CDYL2: variants seen among roughly 807,000 people sequenced by gnomAD.
The protein encoded by CDYL2 is chromodomain Y-like protein 2.
Under a neutral mutation model 49.4 loss-of-function variants are expected in CDYL2, and 23 were observed. That is an observed-to-expected ratio of 0.47 (90% CI 0.34 to 0.66). The LOEUF (loss-of-function observed/expected upper bound fraction) is 0.66, where lower values mean the gene tolerates loss of function less well. Ranked by LOEUF, CDYL2 falls within the 30% of genes least tolerant of loss-of-function variation. The probability of loss-of-function intolerance (pLI) is 0.01; values close to 1 mark genes in which losing one functional copy is unlikely to be tolerated. For synonymous variants in CDYL2, 360 were observed against 268.8 expected, an observed-to-expected ratio of 1.34 and a Z score of -3.32; for missense variants, 678 against 656.4, an observed-to-expected ratio of 1.03 and a Z score of -0.36.
At chr16:80,641,158 T>A (rs1333693266) in intron 2 of CDYL2, among the ~76,000 whole-genome samples, 1 of 152,084 alleles carries the variant, frequency 6.6e-6, no homozygotes, top group African/African-American at 2.4e-5. Context: ...AGGCATTCAA[T>A]AGTCAAACTC....
chr16:80,696,001 C>T (rs1910601161), intron 1 of CDYL2, among the ~76,000 whole-genome samples: 1 of 152,172 alleles, frequency 6.6e-6, no homozygotes, highest in African/African-American at 2.4e-5. Flanking sequence ...TACATCATGC[C>T]ACAAAAGTCT....
intron 3 of CDYL2, among the ~76,000 whole-genome samples, chr16:80,630,804 T>C (rs190073245): frequency 6.6e-6 from 1 of 152,194 alleles, no homozygotes; most frequent in African/African-American, 2.4e-5. Flanking sequence ...CAGGGTCTAT[T>C]TCAACCATAA....
rs1387474947 is a variant in CDYL2, at chr16:80,599,770, TGATG to T, written c.*4614_*4617del. ...GGAAATGCCATTTGTTCAGAACAAA[TGATG>T]GACCAGCAGCCTTCCCTATGACCGT... On this transcript the variant is annotated 3_prime_UTR_variant, in exon 7 of 7. Transcript: ENST00000570137. 1 of 152,176 alleles carries T rather than the reference TGATG, an allele frequency of 6.6e-6. No individual in the cohort carries two copies. The highest frequency in any genetic ancestry group is 1.9e-4 in the East Asian group (1 of 5,194). The allele number at this position is 152,176 out of a possible 1,614,324, so 9.4% of individuals were successfully genotyped here.
intron 1 of CDYL2, among the ~76,000 whole-genome samples, chr16:80,793,010 G>A (rs2142417321): frequency 6.6e-6 from 1 of 152,306 alleles, no homozygotes; most frequent in Non-Finnish European, 1.5e-5. Flanking sequence ...TAACCTCAAT[G>A]CAGAGCAGCT....
intron 1 of CDYL2, among the ~76,000 whole-genome samples, chr16:80,713,762 A>G (rs1031239029): frequency 6.6e-6 from 1 of 152,100 alleles, no homozygotes; most frequent in Non-Finnish European, 1.5e-5. Context: ...TTCTATGGCT[A>G]TATCATAAAA....
chr16:80,630,894 A>G (rs1411878763), intron 3 of CDYL2, among the ~76,000 whole-genome samples: 1 of 152,158 alleles, frequency 6.6e-6, no homozygotes, highest in African/African-American at 2.4e-5. Context: ...GGTACGGGGT[A>G]CACTGGACAA....
At chr16:80,744,820 C>T (rs184574204) in intron 1 of CDYL2, among the ~76,000 whole-genome samples, 14 of 152,282 alleles carry the variant, frequency 9.2e-5, no homozygotes, top group African/African-American at 3.1e-4. Flanking sequence ...CAGCTGGCAG[C>T]ATGTCCCCCA....
chr16:80,622,798 A>C (rs1907139004), intron 3 of CDYL2, among the ~76,000 whole-genome samples: 1 of 152,142 alleles, frequency 6.6e-6, no homozygotes, highest in Admixed American at 6.5e-5. Flanking sequence ...ACCCCATGAA[A>C]GCTAACTGTG....
intron 1 of CDYL2, among the ~76,000 whole-genome samples, chr16:80,695,708 A>T (rs1440012781): frequency 6.6e-6 from 1 of 152,228 alleles, no homozygotes; most frequent in African/African-American, 2.4e-5. Context: ...GGAAATTACA[A>T]TTGTAAATAT....
At position 80,669,463 on chromosome 16, in the gene CDYL2, G is replaced by C. The variant is rs556566540; in HGVS notation, c.616+15075C>G. Among the ~76,000 whole-genome samples, 4 of 152,198 alleles carry C rather than the reference G, an allele frequency of 2.6e-5. No individual in the cohort carries two copies. The South Asian group carries it at 8.3e-4, about 32-fold the overall frequency. ...CTCCACCTCACTGCCGTCTTGTGGGGACAAGGAGCCGCGTCAAGCAGATGG... is the reference window on the plus strand; with the variant it reads ...CTCCACCTCACTGCCGTCTTGTGGGCACAAGGAGCCGCGTCAAGCAGATGG... On this transcript the variant is annotated intron_variant, in intron 2 of 6. Transcript: ENST00000570137.
At chr16:80,725,676 G>A (rs773624794) in intron 1 of CDYL2, among the ~76,000 whole-genome samples, 6 of 152,186 alleles carry the variant, frequency 3.9e-5, no homozygotes, top group Non-Finnish European at 7.4e-5. Context: ...CTGTACGACT[G>A]ACCTGAGAAA....
At chr16:80,802,633 T>A (rs1379628210) in intron 1 of CDYL2, among the ~76,000 whole-genome samples, 1 of 152,094 alleles carries the variant, frequency 6.6e-6, no homozygotes, top group Non-Finnish European at 1.5e-5. Context: ...CAAGGAGCTC[T>A]AAGGTCTCCC....
At chr16:80,656,971 C>T (rs1331030173) in intron 2 of CDYL2, among the ~76,000 whole-genome samples, 2 of 152,132 alleles carry the variant, frequency 1.3e-5, no homozygotes, top group Non-Finnish European at 2.9e-5. Context: ...GTGATATCCA[C>T]GGCTAAGGCT....
chr16:80,630,142 G>T (rs1301747041), intron 3 of CDYL2, among the ~76,000 whole-genome samples: 1 of 152,150 alleles, frequency 6.6e-6, no homozygotes, highest in Non-Finnish European at 1.5e-5. Context: ...CAGTCAGCTG[G>T]CTCACCCACA....
chr16:80,620,999 A>G (rs1397501704), intron 3 of CDYL2, 64 bp from the exon 4 acceptor site: 1 of 1,454,718 alleles, frequency 6.9e-7, no homozygotes, highest in Admixed American at 2.4e-5. Flanking sequence ...GGGCTTTCAG[A>G]CTGCAAGACA....
intron 1 of CDYL2, among the ~76,000 whole-genome samples, chr16:80,743,986 C>A (rs1192303689): frequency 6.6e-6 from 1 of 152,126 alleles, no homozygotes; most frequent in Non-Finnish European, 1.5e-5. Flanking sequence ...AAAAGGGAAC[C>A]TCCCTACTGG....
chr16:80,775,804 A>C (rs1338453547), intron 1 of CDYL2, among the ~76,000 whole-genome samples: 1 of 151,640 alleles, frequency 6.6e-6, no homozygotes, highest in African/African-American at 2.4e-5. Context: ...AATTTACTTG[A>C]TATAGTACTT....
At chr16:80,621,552 C>T (rs761699618) in intron 3 of CDYL2, among the ~76,000 whole-genome samples, 2 of 152,226 alleles carry the variant, frequency 1.3e-5, no homozygotes, top group African/African-American at 4.8e-5. Context: ...TCCTCAATGT[C>T]CCCATCTATA....
intron 1 of CDYL2, among the ~76,000 whole-genome samples, chr16:80,710,969 C>T (rs2142511504): frequency 1.3e-5 from 2 of 152,298 alleles, no homozygotes; most frequent in East Asian, 3.9e-4. Flanking sequence ...AATCTGAATC[C>T]TGAACTACAG....
Sources: gnomAD v4.1 joint callset for allele counts (sites outside exome capture counted in the v4.1 genomes callset) on GRCh38, gnomAD v4.1.1 for gene constraint, MANE v1.5 for transcripts, NCBI Gene and HGNC (gene_info 2026-07-23, HGNC 2026-07-21) for gene names.